The following TYR variants were observed in gnomAD, a reference collection of about 807,000 sequenced individuals.
TYR encodes the protein LB24-AB.
A neutral mutation model predicts 51.5 loss-of-function variants in TYR; 58 were observed. The observed-to-expected ratio is 1.13, with a 90% CI of 0.91 to 1.40. TYR has a LOEUF of 1.40. Among genes scored for constraint, TYR ranks in the 40% most tolerant of loss-of-function variants. TYR has a pLI of 0.00. For missense variants in TYR, 732 were observed against 647.4 expected (o/e 1.13, Z -1.42); for synonymous variants, 263 against 235.2 (o/e 1.12, Z -1.08).
chr11:89,237,382 G>C (rs1944131062), intron 3 of TYR, among the ~76,000 whole-genome samples: 2 of 152,002 alleles, frequency 1.3e-5, no homozygotes, highest in Non-Finnish European at 2.9e-5. Context: ...TTTTATATAT[G>C]GTGTGAGATA....
chr11:89,284,616 T>C (rs1944759192), intron 3 of TYR, among the ~76,000 whole-genome samples, 157 bp from the exon 4 acceptor site: 1 of 151,938 alleles, frequency 6.6e-6, no homozygotes, highest in Non-Finnish European at 1.5e-5. Context: ...AAGAATAAAC[T>C]AATACTTTAC....
At chr11:89,214,243 A>C (rs776985142) in intron 2 of TYR, among the ~76,000 whole-genome samples, 29 of 152,332 alleles carry the variant, frequency 1.9e-4, no homozygotes, top group Non-Finnish European at 7.4e-5. Context: ...ACACTTCTCA[A>C]AATAAGACAT....
At chr11:89,189,855 T>C (rs1410409338) in intron 1 of TYR, among the ~76,000 whole-genome samples, 1 of 152,098 alleles carries the variant, frequency 6.6e-6, no homozygotes, top group Non-Finnish European at 1.5e-5. Flanking sequence ...AAAAAGCTAA[T>C]TCTAAAATAC....
chr11:89,291,530 T>C (rs1456332857), intron 4 of TYR, among the ~76,000 whole-genome samples: 1 of 151,960 alleles, frequency 6.6e-6, no homozygotes, highest in East Asian at 1.9e-4. Context: ...AAAAATCAAC[T>C]GTAATCTTAT....
In TYR at chr11:89,231,191, AG is replaced by A. The variant is rs1420965279; in HGVS notation, c.1184+3223del. Among the ~76,000 whole-genome samples the A allele has an allele frequency of 4.5e-3, 501 of 111,380 alleles. 3 individuals carry two copies. The highest frequency in any genetic ancestry group is 0.028 in the African/African-American group (482 of 17,362). 73.1% of individuals were successfully genotyped at this position (111,380 alleles called of 152,430 possible). On this transcript the variant is annotated intron_variant, in intron 3 of 4. Coordinates refer to ENST00000263321, the MANE Select transcript of TYR (RefSeq NM_000372.5). Reference sequence around the variant, plus strand: ...GTCTCAAAAAAAAAAAAAAAAAAAAAGGAAGGAATTGTTGTACTGTTCATGG... The same window carrying A: ...GTCTCAAAAAAAAAAAAAAAAAAAAAGAAGGAATTGTTGTACTGTTCATGG...
chr11:89,201,724 A>G (rs193226443), intron 2 of TYR, among the ~76,000 whole-genome samples: 1 of 152,322 alleles, frequency 6.6e-6, no homozygotes, highest in East Asian at 1.9e-4. Context: ...AAATCACATC[A>G]TAGTATCATT....
At chr11:89,282,991 A>AT (rs1464475997) in intron 3 of TYR, among the ~76,000 whole-genome samples, 1 of 151,800 alleles carries the variant, frequency 6.6e-6, no homozygotes, top group Admixed American at 6.6e-5. Context: ...CCTTCATGAC[A>AT]TAAATATAAT....
At chr11:89,192,462 T>C (rs1943458985) in intron 2 of TYR, among the ~76,000 whole-genome samples, 1 of 152,104 alleles carries the variant, frequency 6.6e-6, no homozygotes, top group African/African-American at 2.4e-5. Flanking sequence ...GTAGAAAAAC[T>C]TTCCTCTCTT....
At chr11:89,266,188 CT>C (rs1304246692) in intron 3 of TYR, among the ~76,000 whole-genome samples, 1 of 151,880 alleles carries the variant, frequency 6.6e-6, no homozygotes, top group Non-Finnish European at 1.5e-5. Context: ...ACACATCATG[CT>C]TTTTCTTATC....
At chr11:89,184,521 G>C (rs1341032607) in intron 1 of TYR, among the ~76,000 whole-genome samples, 8 of 152,112 alleles carry the variant, frequency 5.3e-5, no homozygotes, top group African/African-American at 1.9e-4. Context: ...TTGTGTTTCA[G>C]TGCTTTGGTT....
At chr11:89,243,477 G>T (rs540620979) in intron 3 of TYR, among the ~76,000 whole-genome samples, 4 of 152,236 alleles carry the variant, frequency 2.6e-5, no homozygotes, top group South Asian at 4.1e-4. Flanking sequence ...CCAAGAATTT[G>T]GGGGCTAACC....
At chr11:89,271,663 T>C (rs1367383443) in intron 3 of TYR, among the ~76,000 whole-genome samples, 1 of 151,896 alleles carries the variant, frequency 6.6e-6, no homozygotes, top group Non-Finnish European at 1.5e-5. Context: ...GCTACATTGA[T>C]TGACTCTTCC....
chr11:89,245,945 A>G (rs909898114), intron 3 of TYR, among the ~76,000 whole-genome samples: 2 of 152,122 alleles, frequency 1.3e-5, no homozygotes, highest in South Asian at 4.2e-4. Flanking sequence ...AACAAACAAA[A>G]AAAACAAAAC....
chr11:89,270,637 T>G (rs372814969), intron 3 of TYR, among the ~76,000 whole-genome samples: 2 of 152,002 alleles, frequency 1.3e-5, no homozygotes, highest in South Asian at 4.2e-4. Flanking sequence ...AGTTCTGATA[T>G]CTAAACACTA....
At chr11:89,211,954 C>T (rs1371837221) in intron 2 of TYR, among the ~76,000 whole-genome samples, 3 of 151,990 alleles carry the variant, frequency 2.0e-5, no homozygotes, top group South Asian at 2.1e-4. Context: ...AGCAGCGTGT[C>T]GGGAGAAATT....
intron 2 of TYR, among the ~76,000 whole-genome samples, chr11:89,216,197 CA>C (rs1180498106): frequency 1.3e-5 from 2 of 151,964 alleles, no homozygotes; most frequent in Admixed American, 1.3e-4. Context: ...GAAGAAAATG[CA>C]GTAAGAAAAA....
intron 3 of TYR, among the ~76,000 whole-genome samples, chr11:89,240,697 A>G (rs1370470206): frequency 6.6e-6 from 1 of 152,048 alleles, no homozygotes; most frequent in African/African-American, 2.4e-5. Context: ...CTAAATCTCT[A>G]ATTTTCTTTC....
intron 2 of TYR, among the ~76,000 whole-genome samples, chr11:89,222,508 G>A (rs7934646): frequency 0.19 from 28,489 of 152,122 alleles, 3,569 homozygotes; most frequent in African/African-American, 0.36. Context: ...GGAGGCCAGG[G>A]CAGGTGGATC....
intron 3 of TYR, among the ~76,000 whole-genome samples, chr11:89,253,683 G>T (rs537580332): frequency 6.9e-6 from 1 of 145,098 alleles, no homozygotes; most frequent in African/African-American, 2.5e-5. Flanking sequence ...TTTGTATAAC[G>T]AAACTTTGCT....
Sources: allele counts gnomAD v4.1 joint callset (sites outside exome capture counted in the v4.1 genomes callset), GRCh38; gene constraint gnomAD v4.1.1; transcripts MANE v1.5; gene names NCBI Gene and HGNC (gene_info 2026-07-23, HGNC 2026-07-21).